The following POLG variants were observed in gnomAD, a reference collection of about 807,000 sequenced individuals.
The protein encoded by POLG is DNA polymerase subunit gamma-1.
Under a neutral mutation model 155.4 loss-of-function variants are expected in POLG, and 110 were observed. The ratio of observed to expected loss-of-function variants is 0.71; its 90% CI spans 0.61 to 0.83. The LOEUF is 0.83. Ranked by LOEUF, POLG falls within the 40% of genes least tolerant of loss-of-function variation. POLG has a pLI of 0.00. For synonymous variants in POLG, 701 were observed against 631.5 expected, an observed-to-expected ratio of 1.11 and a Z score of -1.65; for missense variants, 1,685 against 1,627.5, an observed-to-expected ratio of 1.04 and a Z score of -0.61.
Position 89,320,893 on chromosome 15 carries a change from C to A in POLG, c.2854G>T (p.Gly952Cys). The A allele has an allele frequency of 6.2e-7, 1 of 1,613,912 alleles. No individual in the cohort carries two copies. The highest frequency in any genetic ancestry group is 8.5e-7 in the Non-Finnish European group (1 of 1,180,018). The change falls in exon 18 of 23, where the codon GGC becomes TGC. Residue 952 changes from glycine to cysteine, a missense_variant. Gly to Cys is a radical substitution (Grantham distance 159). Coordinates refer to ENST00000268124, the MANE Select transcript of POLG (RefSeq NM_002693.3). ...SREHAKIFNYGRIYGAGQPFA... is the reference protein window; with the variant it reads ...SREHAKIFNYCRIYGAGQPFA... ...GGCTGCCCAGCACCATAGATGCGGC[C>A]GTAGTTGAAGATTTTGGCATGCTCA...
At position 89,324,422 on chromosome 15, in the gene POLG, G is replaced by A. The variant is rs2055443082; in HGVS notation, c.1950-195C>T. 1.8e-5 allele frequency: 12 copies of A among 684,170 alleles called. No individual in the cohort carries two copies. The East Asian group carries it at 3.3e-4, about 19-fold the overall frequency. The allele number at this position is 684,170 out of a possible 1,614,324, so 42.4% of individuals were successfully genotyped here. The stretch of plus-strand genomic sequence containing the variant: ...TGAAAATGACAGCACCCTGGCAGCA[G>A]GCTGGGGTTCAAGGCCTTGTCTCAC... On this transcript the variant is annotated intron_variant, in intron 10 of 22. Coordinates refer to ENST00000268124, the MANE Select transcript of POLG (RefSeq NM_002693.3).
At chr15:89,321,503 A>G (rs867249964) in intron 16 of POLG, among the ~76,000 whole-genome samples, 2 of 152,300 alleles carry the variant, frequency 1.3e-5, no homozygotes, top group Non-Finnish European at 1.5e-5. Flanking sequence ...TCTAAATTCC[A>G]TGAGAGCTGT....
chr15:89,317,521 G>A lies in POLG; in HGVS notation c.3498C>T (p.Tyr1166=), dbSNP rs1427798436. 2.5e-6 allele frequency: 4 copies of A among 1,613,996 alleles called. No homozygotes were observed. The East Asian group carries it at 6.7e-5, about 27-fold the overall frequency. ...GGGGCAAGTCATTCAGACCCAGCTT[G>A]TAGGCAAACATGCACCTGAAAGAGA... ...TNLLTRCMFA[Y]KLGLNDLPQS... Residue 1166 remains tyrosine, a synonymous_variant, in exon 22 of 23, where the codon TAC becomes TAT. Coordinates refer to ENST00000268124, the MANE Select transcript of POLG (RefSeq NM_002693.3).
rs1567189988 is a variant in POLG, at chr15:89,325,257, AGTGAGTGAGTGAGT to A, written c.1949+179_1949+192del. On this transcript the variant is annotated intron_variant, in intron 10 of 22. Coordinates refer to ENST00000268124, the MANE Select transcript of POLG (RefSeq NM_002693.3). Reference sequence around the variant, plus strand: ...GAGAGAGTGAGTGAGTGAGAGAGAGAGTGAGTGAGTGAGTGAGAGAGAGAGAAAGAGAGAGAGAG... The same window carrying A: ...GAGAGAGTGAGTGAGTGAGAGAGAGAGAGAGAGAGAGAAAGAGAGAGAGAG... 1.6e-4 allele frequency among the ~76,000 whole-genome samples: 15 copies of A among 92,164 alleles called. 4 individuals are homozygous for A. The highest frequency in any genetic ancestry group is 6.3e-4 in the African/African-American group (10 of 15,956). 60.5% of individuals were successfully genotyped at this position (92,164 alleles called of 152,430 possible).
chr15:89,327,130 C>T (rs748923768), intron 7 of POLG, 37 bp downstream of exon 7: 2 of 1,614,126 alleles, frequency 1.2e-6, no homozygotes, highest in Non-Finnish European at 1.7e-6. Context: ...ACCTGCCAGT[C>T]CCCTGCCTAG....
intron 2 of POLG, 39 bp downstream of exon 2, chr15:89,333,057 C>A: frequency 6.7e-7 from 1 of 1,503,216 alleles, no homozygotes; most frequent in Non-Finnish European, 8.9e-7. Context: ...AAGCTGGGCC[C>A]CCATGCCTGC....
intron 2 of POLG, among the ~76,000 whole-genome samples, chr15:89,332,534 A>G (rs1479227467): frequency 7.9e-6 from 1 of 125,988 alleles, no homozygotes; most frequent in Non-Finnish European, 1.6e-5. Flanking sequence ...GAAGGAAGCA[A>G]TGTTTCTCAA....
rs1484763580 is a variant in POLG at position 89,333,748 on chromosome 15, G to A, written c.7C>T (p.Arg3Cys). Residue 3 changes from arginine to cysteine, a missense_variant, in exon 2 of 23, where the codon CGC becomes TGC. Around this residue, in one of 3 missense-constraint regions of POLG, gnomAD observed 1,210 missense variants for 1,167.1 expected, o/e 1.04. Transcript: ENST00000268124. ...CCGGCCACCTTCCTCCAGAGCAGGC[G>A]GCTCATGGTTGGTGCAGGGACCCCC... is the stretch of plus-strand genomic sequence containing the variant. MS[R>C]LLWRKVAGAT... 2 of 1,535,116 alleles carry A rather than the reference G, an allele frequency of 1.3e-6. No individual in the cohort carries two copies. The highest frequency in any genetic ancestry group is 2.4e-5 in the East Asian group (1 of 40,896).
chr15:89,318,838 G>A, intron 20 of POLG, 89 bp from the exon 21 acceptor site: 1 of 1,565,148 alleles, frequency 6.4e-7, no homozygotes. Context: ...GCTTCACTCT[G>A]GCCCTACCTA....
In POLG at chr15:89,323,634, C is replaced by T. The variant is rs1374580291; in HGVS notation, c.2158-123G>A. The T allele has an allele frequency of 7.4e-6, 6 of 812,342 alleles. No individual in the cohort carries two copies. In the Admixed American group the frequency reaches 9.6e-5, roughly 13 times the overall value. 50.3% of individuals were successfully genotyped at this position (812,342 alleles called of 1,614,324 possible). A position where few individuals can be genotyped will look rare whatever the true frequency, so the allele number is the denominator to read the frequency against. On this transcript the variant is annotated intron_variant, in intron 12 of 22. Coordinates refer to ENST00000268124, the MANE Select transcript of POLG (RefSeq NM_002693.3). ...CATCAGCTGGGAAATGACAAGATGG[C>T]CATGAGGTCTCACCCAGGCTTTCTC...
chr15:89,319,197 C>T, intron 19 of POLG, 31 bp downstream of exon 19: 1 of 1,614,176 alleles, frequency 6.2e-7, no homozygotes, highest in Non-Finnish European at 8.5e-7. Context: ...CAGACCCCTC[C>T]CTCCATCCTT....
intron 3 of POLG, 57 bp downstream of exon 3, chr15:89,330,024 A>T: frequency 7.1e-7 from 1 of 1,414,762 alleles, no homozygotes; most frequent in Admixed American, 1.7e-5. Context: ...AACCACTGAG[A>T]TTAGGGCTCC....
In POLG at chr15:89,327,187, G is replaced by A. The variant is rs2152067068; in HGVS notation, c.1413C>T (p.Cys471=). The A allele has an allele frequency of 1.9e-6, 3 of 1,614,204 alleles. No individual in the cohort carries two copies. The highest frequency in any genetic ancestry group is 2.5e-6 in the Non-Finnish European group (3 of 1,180,030). Residue 471 remains cysteine (C), a synonymous_variant, in exon 7 of 23, where the codon TGC becomes TGT. Coordinates refer to ENST00000268124, the MANE Select transcript of POLG (RefSeq NM_002693.3). ...GCTACCTCTCTCCTGAGAGCAGCTGGCAGGCATCATTGGCCAGATCCATCA... is the reference window on the plus strand; with the variant it reads ...GCTACCTCTCTCCTGAGAGCAGCTGACAGGCATCATTGGCCAGATCCATCA... ...KSLMDLANDA[C]QLLSGERYKE...
At position 89,333,290 on chromosome 15, in the gene POLG, G is replaced by C; in HGVS notation, c.465C>G (p.Asn155Lys). 1 of 1,555,782 alleles carries C rather than the reference G, an allele frequency of 6.4e-7. No homozygotes were observed. The highest frequency in any genetic ancestry group is 8.7e-7 in the Non-Finnish European group (1 of 1,149,424). The change falls in exon 2 of 23, where the codon AAC (asparagine) becomes AAG (lysine). Residue 155 changes from asparagine to lysine, a missense_variant. Around this residue, in one of 3 missense-constraint regions of POLG, gnomAD observed 1,210 missense variants for 1,167.1 expected, o/e 1.04. Transcript: ENST00000268124. ...KQSLPYLEAANLLLQAQLPPK... is the reference protein window; with the variant it reads ...KQSLPYLEAAKLLLQAQLPPK... ...GGGGCAGCTGGGCCTGCAACAGCAA[G>C]TTGGCCGCCTCCAGGTAGGGCAGGC...
intron 21 of POLG, 116 bp from the exon 22 acceptor site, chr15:89,317,652 A>C: frequency 1.0e-6 from 1 of 987,830 alleles, no homozygotes; most frequent in Non-Finnish European, 1.6e-6. Context: ...CCAACACCCC[A>C]TCTGTTCACT....
At chr15:89,330,365 A>T (rs1176783795) in intron 2 of POLG, 89 bp from the exon 3 acceptor site, 1 of 1,022,146 alleles carries the variant, frequency 9.8e-7, no homozygotes, top group African/African-American at 1.6e-5. Flanking sequence ...GCCACATGCC[A>T]GATGGTGCAT....
rs745800212 is a variant in POLG at position 89,325,470 on chromosome 15, A to G, written c.1929T>C (p.Ala643=). 2.3e-5 allele frequency: 37 copies of G among 1,603,478 alleles called. No individual in the cohort carries two copies. Among genetic ancestry groups the G allele is most frequent in the Non-Finnish European group, 3.0e-5 (35 of 1,178,836 alleles). ...KLPTGTTLES[A]GVVCPYRAIE... is the part of the protein sequence containing the mutation. ...CTTACCTGTAGGGGCAGACCACCCC[A>G]GCTGACTCCAGGGTGGTACCTGTCG... Residue 643 remains alanine (A), a synonymous_variant, in exon 10 of 23, where the codon GCT becomes GCC. Transcript: ENST00000268124.
rs1023437266 is a variant in POLG at position 89,333,760 on chromosome 15, G to A, written c.-6C>T. The A allele has an allele frequency of 1.3e-6, 2 of 1,534,966 alleles. No individual in the cohort carries two copies. Among genetic ancestry groups the A allele is most frequent in the African/African-American group, 1.4e-5 (1 of 73,010 alleles). On this transcript the variant is annotated 5_prime_UTR_variant, in exon 2 of 23. Transcript: ENST00000268124. The stretch of plus-strand genomic sequence containing the variant: ...CTCCAGAGCAGGCGGCTCATGGTTG[G>A]TGCAGGGACCCCCACGCTGGGAGTC...
In POLG at chr15:89,333,313, G is replaced by A. The variant is rs1420136334; in HGVS notation, c.442C>T (p.Leu148=). 3 of 1,557,274 alleles carry A rather than the reference G, an allele frequency of 1.9e-6. No individual in the cohort carries two copies. The highest frequency in any genetic ancestry group is 2.4e-5 in the East Asian group (1 of 41,684). The change falls in exon 2 of 23, where the codon CTG becomes TTG. Residue 148 remains leucine, a synonymous_variant. Coordinates refer to ENST00000268124, the MANE Select transcript of POLG (RefSeq NM_002693.3). ...HFRLLAQKQS[L]PYLEAANLLL... ...AAGTTGGCCGCCTCCAGGTAGGGCA[G>A]GCTCTGCTTCTGGGCCAGGAGGCGG...
Sources: gnomAD v4.1 joint callset for allele counts (sites outside exome capture counted in the v4.1 genomes callset) on GRCh38, gnomAD v4.1.1 for gene constraint, gnomAD v4.1.1 regional missense constraint, MANE v1.5 for transcripts, NCBI Gene and HGNC (gene_info 2026-07-23, HGNC 2026-07-21) for gene names.